TRHDE: variants seen among roughly 807,000 people sequenced by gnomAD.
The protein encoded by TRHDE is thyrotropin releasing hormone degrading enzyme, also known as thyrotropin-releasing hormone-degrading ectoenzyme.
In TRHDE, 72 loss-of-function variants were observed where a neutral mutation model predicts 125.7. The ratio of observed to expected loss-of-function variants is 0.57; its 90% CI spans 0.47 to 0.70. TRHDE has a LOEUF of 0.70. Ranked by LOEUF, TRHDE falls within the 30% of genes least tolerant of loss-of-function variation. The pLI, the probability that TRHDE is intolerant of heterozygous loss-of-function variation, is 0.00. For synonymous variants in TRHDE, 509 were observed against 509.1 expected (o/e 1.00, Z 0.00); for missense variants, 1,110 against 1,327.1 (o/e 0.84, Z 2.54).
chr12:72,354,391 G>A (rs1320860786), intron 2 of TRHDE, among the ~76,000 whole-genome samples: 2 of 151,466 alleles, frequency 1.3e-5, no homozygotes, highest in East Asian at 3.9e-4. Flanking sequence ...TGAAACAGAA[G>A]AGGAAACTTT....
chr12:72,193,499 G>C (rs1242929265), intron 2 of TRHDE, among the ~76,000 whole-genome samples: 1 of 152,112 alleles, frequency 6.6e-6, no homozygotes, highest in Non-Finnish European at 1.5e-5. Flanking sequence ...GGAGCAAATA[G>C]TAAAGCCTGT....
intron 3 of TRHDE, among the ~76,000 whole-genome samples, chr12:72,446,046 G>T (rs535604481): frequency 1.3e-5 from 2 of 151,604 alleles, no homozygotes; most frequent in Non-Finnish European, 2.9e-5. Flanking sequence ...TGGTCCGTGC[G>T]CTAGACCAGT....
At chr12:72,490,746 G>A (rs1368856779) in intron 5 of TRHDE, among the ~76,000 whole-genome samples, 4 of 142,534 alleles carry the variant, frequency 2.8e-5, no homozygotes, top group Non-Finnish European at 6.1e-5. Flanking sequence ...TCACTAATAT[G>A]TGGAATCTGT....
chr12:72,442,689 T>C (rs753719226), intron 3 of TRHDE, among the ~76,000 whole-genome samples: 1 of 151,810 alleles, frequency 6.6e-6, no homozygotes, highest in Non-Finnish European at 1.5e-5. Flanking sequence ...TCCCTGCTCC[T>C]ATTTTGCACC....
At chr12:72,514,689 A>T (rs1020708094) in intron 6 of TRHDE, among the ~76,000 whole-genome samples, 1 of 151,366 alleles carries the variant, frequency 6.6e-6, no homozygotes, top group Admixed American at 6.6e-5. Flanking sequence ...CACAATGTGC[A>T]GGTTAGTTAC....
At chr12:72,431,696 A>C (rs1327171064) in intron 3 of TRHDE, 2 of 151,388 alleles carry the variant, frequency 1.3e-5, no homozygotes, top group African/African-American at 4.9e-5. Flanking sequence ...TCTTAGGCAT[A>C]TACTTCATGT....
chr12:72,632,272 G>C (rs138099604), intron 15 of TRHDE, among the ~76,000 whole-genome samples: 1 of 151,906 alleles, frequency 6.6e-6, no homozygotes, highest in Non-Finnish European at 1.5e-5. Flanking sequence ...ATTAATTTTT[G>C]TTTCTATAGT....
chr12:72,645,197 T>C (rs572431623), intron 15 of TRHDE, among the ~76,000 whole-genome samples: 4 of 152,156 alleles, frequency 2.6e-5, no homozygotes, highest in African/African-American at 7.2e-5. Context: ...AAAAAAACTA[T>C]CATAAAGAAG....
At chr12:72,609,344 C>T (rs1192051017) in intron 12 of TRHDE, among the ~76,000 whole-genome samples, 1 of 152,162 alleles carries the variant, frequency 6.6e-6, no homozygotes, top group Admixed American at 6.5e-5. Context: ...CTACACTTAT[C>T]TTCTCAACAA....
At chr12:72,544,780 G>GTGTATA (rs1179875453) in intron 7 of TRHDE, among the ~76,000 whole-genome samples, 1 of 151,482 alleles carries the variant, frequency 6.6e-6, no homozygotes, top group African/African-American at 2.4e-5. Context: ...ATATGTGTGT[G>GTGTATA]TGTATATGTA....
At chr12:72,332,423 G>A (rs2135721062) in intron 2 of TRHDE, among the ~76,000 whole-genome samples, 1 of 152,272 alleles carries the variant, frequency 6.6e-6, no homozygotes, top group African/African-American at 2.4e-5. Context: ...ATAGGCATGA[G>A]CCACTGCGCT....
At chr12:72,109,630 T>TAAACA (rs10522997) in intron 2 of TRHDE, among the ~76,000 whole-genome samples, 24 of 151,132 alleles carry the variant, frequency 1.6e-4, no homozygotes, top group Middle Eastern at 3.4e-3. Context: ...AACAATGTTT[T>TAAACA]AAACAAAACA....
At chr12:72,248,329 A>C (rs1204832974) in intron 2 of TRHDE, among the ~76,000 whole-genome samples, 1 of 149,738 alleles carries the variant, frequency 6.7e-6, no homozygotes, top group Non-Finnish European at 1.5e-5. Flanking sequence ...GAGGCAGGAG[A>C]ATTGCTTCAA....
At chr12:72,526,083 GT>G (rs1483461680) in intron 6 of TRHDE, among the ~76,000 whole-genome samples, 1 of 151,950 alleles carries the variant, frequency 6.6e-6, no homozygotes, top group Non-Finnish European at 1.5e-5. Context: ...ATTATATCTA[GT>G]TTTTAAAACA....
At chr12:72,355,297 T>C (rs1870763989) in intron 2 of TRHDE, among the ~76,000 whole-genome samples, 1 of 151,512 alleles carries the variant, frequency 6.6e-6, no homozygotes, top group African/African-American at 2.4e-5. Context: ...TGGAGAGTTG[T>C]AGTTAGAGAA....
chr12:72,370,603 GC>G lies in TRHDE; in HGVS notation c.1189-7391del, dbSNP rs570093816. 3.9e-5 allele frequency among the ~76,000 whole-genome samples: 6 copies of G among 152,164 alleles called. No homozygotes were observed. The South Asian group carries it at 1.2e-3, about 32-fold the overall frequency. ...ACTTTTCTAATTAGTCTTTCTGCCTGCAGTTTTAACAGGCAGCTTTCTATAT... is the reference window on the plus strand; with the variant it reads ...ACTTTTCTAATTAGTCTTTCTGCCTGAGTTTTAACAGGCAGCTTTCTATAT... On this transcript the variant is annotated intron_variant, in intron 2 of 18. Transcript: ENST00000261180.
At position 72,378,114 on chromosome 12, in the gene TRHDE, A is replaced by AAAACTAGG; in HGVS notation, c.1309_1315+1dup. ...ACTTTAAAGTGCCCTATTCCTTGCC[A>AAAACTAGG]AAACTAGGTAAGAATTTTCTTGGTT... On this transcript the variant is annotated frameshift_variant, in exon 3 of 19. Transcript: ENST00000261180. LOFTEE classifies it high-confidence loss of function. 1 of 1,570,548 alleles carries AAAACTAGG rather than the reference A, an allele frequency of 6.4e-7. No homozygotes were observed. The highest frequency in any genetic ancestry group is 8.6e-7 in the Non-Finnish European group (1 of 1,166,502).
At chr12:72,434,150 T>C (rs1874628361) in intron 3 of TRHDE, among the ~76,000 whole-genome samples, 1 of 152,002 alleles carries the variant, frequency 6.6e-6, no homozygotes, top group Non-Finnish European at 1.5e-5. Context: ...TTTGGGAGGC[T>C]GAGGTGGGTA....
chr12:72,525,601 T>TTGTGTGTGTGTGTGTG (rs3081972), intron 6 of TRHDE, among the ~76,000 whole-genome samples: 6 of 127,670 alleles, frequency 4.7e-5, no homozygotes, highest in African/African-American at 1.6e-4. Flanking sequence ...TGTGTGTGGT[T>TTGTGTGTGTGTGTGTG]TGTGTGTGTG....
Sources: gnomAD v4.1 joint callset for allele counts (sites outside exome capture counted in the v4.1 genomes callset) on GRCh38, gnomAD v4.1.1 for gene constraint, MANE v1.5 for transcripts, NCBI Gene and HGNC (gene_info 2026-07-23, HGNC 2026-07-21) for gene names.